The following SAMD5 variants were observed in gnomAD, a reference collection of about 807,000 sequenced individuals.
SAMD5 encodes sterile alpha motif domain containing 5.
In SAMD5, 13 loss-of-function variants were observed where a neutral mutation model predicts 11.3. That is an observed-to-expected ratio of 1.15 (90% CI 0.75 to 1.83). The LOEUF is 1.83. SAMD5 is among the 40% of genes most tolerant of loss of function. The pLI is 0.00. For missense variants in SAMD5, 255 were observed against 239.1 expected (o/e 1.07, Z -0.44); for synonymous variants, 129 against 111.3 (o/e 1.16, Z -1.00).
At chr6:147,527,399 A>G (rs1788358934) in intron 1 of SAMD5, among the ~76,000 whole-genome samples, 1 of 152,132 alleles carries the variant, frequency 6.6e-6, no homozygotes, top group Non-Finnish European at 1.5e-5. Context: ...ACACTTTTAA[A>G]CAACCAGATG....
At chr6:147,540,828 A>C (rs1788589016) in intron 1 of SAMD5, among the ~76,000 whole-genome samples, 1 of 151,318 alleles carries the variant, frequency 6.6e-6, no homozygotes, top group African/African-American at 2.4e-5. Flanking sequence ...CTTTTTTGCC[A>C]GCATACCAGG....
intron 1 of SAMD5, among the ~76,000 whole-genome samples, chr6:147,540,942 T>G (rs1052761306): frequency 2.7e-4 from 34 of 123,850 alleles, no homozygotes; most frequent in Non-Finnish European, 3.6e-4. Context: ...CGTTTTTTTT[T>G]TTTTTTTTTT....
the SAMD5 span, among the ~76,000 whole-genome samples, chr6:147,923,612 G>A: frequency 6.6e-6 from 1 of 152,208 alleles, no homozygotes; most frequent in African/African-American, 2.4e-5. Context: ...AAAACTGGTT[G>A]AGGGAGGTTC....
At chr6:147,701,652 C>CA (rs35003792) in intron 1 of SAMD5, among the ~76,000 whole-genome samples, 82,658 of 136,720 alleles carry the variant, frequency 0.6, 25,243 homozygotes, top group South Asian at 0.75. Context: ...TAGTCTGTCT[C>CA]AAAAAAAAAA....
chr6:147,702,405 G>A (rs1791266836), intron 1 of SAMD5, among the ~76,000 whole-genome samples: 1 of 152,168 alleles, frequency 6.6e-6, no homozygotes, highest in South Asian at 2.1e-4. Context: ...CATTTGGGAG[G>A]TTGAACATTT....
chr6:147,598,987 A>G (rs2128447926), intron 1 of SAMD5, among the ~76,000 whole-genome samples: 1 of 152,360 alleles, frequency 6.6e-6, no homozygotes, highest in African/African-American at 2.4e-5. Flanking sequence ...TTGTTCAGTA[A>G]TGAACGCTGA....
chr6:147,559,059 G>A (rs1414360264), intron 1 of SAMD5, among the ~76,000 whole-genome samples: 1 of 152,174 alleles, frequency 6.6e-6, no homozygotes. Flanking sequence ...ATGGTTGAAA[G>A]TACAGTACAG....
At chr6:147,533,411 G>A (rs1174520826) in intron 1 of SAMD5, among the ~76,000 whole-genome samples, 2 of 145,276 alleles carry the variant, frequency 1.4e-5, no homozygotes, top group Non-Finnish European at 3.0e-5. Context: ...GCTGTAAGCC[G>A]AGATCGCGCC....
chr6:147,768,688 C>G, the SAMD5 span, among the ~76,000 whole-genome samples: 2 of 152,104 alleles, frequency 1.3e-5, no homozygotes, highest in Non-Finnish European at 2.9e-5. Flanking sequence ...AGATGGGGTA[C>G]AGTGTGATGT....
chr6:147,597,489 G>A (rs965100528), intron 1 of SAMD5, among the ~76,000 whole-genome samples: 2 of 152,126 alleles, frequency 1.3e-5, no homozygotes, highest in Non-Finnish European at 2.9e-5. Context: ...CTTCTCTGTC[G>A]TGAATTGATA....
the SAMD5 span, among the ~76,000 whole-genome samples, chr6:147,928,533 T>C: frequency 6.6e-6 from 1 of 152,192 alleles, no homozygotes; most frequent in African/African-American, 2.4e-5. Flanking sequence ...CATTTCTATT[T>C]GTATTTATTT....
chr6:147,870,203 A>C, the SAMD5 span, among the ~76,000 whole-genome samples: 1 of 152,048 alleles, frequency 6.6e-6, no homozygotes, highest in Admixed American at 6.6e-5. Flanking sequence ...ATGGGATAGC[A>C]AGGTAACACA....
At chr6:147,865,297 T>C in the SAMD5 span, among the ~76,000 whole-genome samples, 2 of 150,452 alleles carry the variant, frequency 1.3e-5, no homozygotes, top group African/African-American at 4.9e-5. Flanking sequence ...TATATGTATG[T>C]ACATGTAGGT....
At chr6:147,802,409 C>A in the SAMD5 span, among the ~76,000 whole-genome samples, 1 of 152,124 alleles carries the variant, frequency 6.6e-6, no homozygotes, top group African/African-American at 2.4e-5. Flanking sequence ...CGAATAGCAC[C>A]AAATTTTTGC....
chr6:147,876,604 TA>T, the SAMD5 span, among the ~76,000 whole-genome samples: 3 of 152,082 alleles, frequency 2.0e-5, no homozygotes, highest in African/African-American at 4.8e-5. Context: ...CAAAAGAAAA[TA>T]AATTCTATTA....
chr6:147,894,051 T>C, the SAMD5 span, among the ~76,000 whole-genome samples: 1 of 152,006 alleles, frequency 6.6e-6, no homozygotes, highest in African/African-American at 2.4e-5. Flanking sequence ...ATTCATCATC[T>C]TTGAGGGGAT....
At chr6:147,743,376 G>C in the SAMD5 span, 9 of 152,308 alleles carry the variant, frequency 5.9e-5, no homozygotes, top group African/African-American at 2.2e-4. Context: ...GCGCGAGGGC[G>C]CCTGTAGTCC....
chr6:147,811,858 A>G, the SAMD5 span, among the ~76,000 whole-genome samples: 2 of 152,234 alleles, frequency 1.3e-5, no homozygotes, highest in South Asian at 2.1e-4. Context: ...TAGAGATGCC[A>G]TCTGTTTGGG....
chr6:147,536,471 C>T (rs930339995), intron 1 of SAMD5, among the ~76,000 whole-genome samples: 4 of 151,840 alleles, frequency 2.6e-5, no homozygotes, highest in Non-Finnish European at 5.9e-5. Flanking sequence ...GTTTTTTTGA[C>T]TTAGAAAACA....
Sources: allele counts gnomAD v4.1 joint callset (sites outside exome capture counted in the v4.1 genomes callset), GRCh38; gene constraint gnomAD v4.1.1; transcripts MANE v1.5; gene names NCBI Gene and HGNC (gene_info 2026-07-23, HGNC 2026-07-21).